The following COL12A1 variants were observed in gnomAD, a reference collection of about 807,000 sequenced individuals.
COL12A1 encodes the protein collagen alpha-1(XII) chain.
In COL12A1, 114 loss-of-function variants were observed where a neutral mutation model predicts 349.7. The observed-to-expected ratio is 0.33, with a 90% CI of 0.28 to 0.38. COL12A1 has a LOEUF of 0.38. Ranked by LOEUF, COL12A1 falls within the 10% of genes least tolerant of loss-of-function variation. COL12A1 has a pLI of 1.00. For synonymous variants in COL12A1, 1,369 were observed against 1,329.0 expected, an observed-to-expected ratio of 1.03 and a Z score of -0.66; for missense variants, 3,284 against 3,756.9, an observed-to-expected ratio of 0.87 and a Z score of 3.29.
intron 40 of COL12A1, 92 bp from the exon 41 acceptor site, chr6:75,124,463 G>C (rs1434052545): frequency 1.1e-6 from 1 of 938,228 alleles, no homozygotes; most frequent in Admixed American, 3.1e-5. Flanking sequence ...TTTCACTGTG[G>C]CTAAAAAAAA....
Position 75,085,537 on chromosome 6 carries a change from T to A in COL12A1, c.*1010A>T. ...TCCAGATAATTTGGTGATAATCAAA[T>A]AATGAAATGGCACTTTCTTAAAAAA... On this transcript the variant is annotated 3_prime_UTR_variant, in exon 66 of 66. Coordinates refer to ENST00000322507, the MANE Select transcript of COL12A1 (RefSeq NM_004370.6). 3.5e-6 allele frequency: 1 copy of A among 289,252 alleles called. No individual in the cohort carries two copies. The highest frequency in any genetic ancestry group is 7.2e-6 in the Non-Finnish European group (1 of 139,610). The allele number at this position is 289,252 out of a possible 1,614,324, so 17.9% of individuals were successfully genotyped here.
Position 75,130,952 on chromosome 6 carries a change from C to T in COL12A1, c.5967G>A (p.Val1989=), listed in dbSNP as rs375766432. The T allele has an allele frequency of 3.4e-5, 55 of 1,614,032 alleles. No homozygotes were observed. The highest frequency in any genetic ancestry group is 4.0e-5 in the Non-Finnish European group (47 of 1,180,008). The change falls in exon 36 of 66, where the codon GTG becomes GTA. Residue 1989 remains valine, a synonymous_variant. Coordinates refer to ENST00000322507, the MANE Select transcript of COL12A1 (RefSeq NM_004370.6). The part of the protein sequence containing the change: ...SIVVPGNTRM[V]HLERLIPDTL... ...TGTCCGGAATCAGCCGCTCCAGATG[C>T]ACCATGCGCGTGTTTCCTGGCACTA...
chr6:75,102,727 ATGTAATACCTTTTCAGTGC>A (rs1414323160), intron 55 of COL12A1, 35 bp from the exon 56 acceptor site: 24 of 1,362,878 alleles, frequency 1.8e-5, no homozygotes, highest in Non-Finnish European at 2.4e-5. Flanking sequence ...CCACAAAGTA[ATGTAATACCTTTTCAGTGC>A]TGACATTTAG....
intron 13 of COL12A1, 81 bp downstream of exon 13, chr6:75,174,956 AT>A: frequency 6.8e-7 from 1 of 1,465,888 alleles, no homozygotes; most frequent in Non-Finnish European, 9.3e-7. Context: ...TTCTAGATTC[AT>A]TGTCTGAAGA....
At chr6:75,147,853 C>A in intron 22 of COL12A1, 49 bp from the exon 23 acceptor site, 1 of 1,584,690 alleles carries the variant, frequency 6.3e-7, no homozygotes, top group Non-Finnish European at 8.6e-7. Flanking sequence ...AATCAGTTCC[C>A]TTTTTCCTAC....
At chr6:75,105,111 G>T (rs1021493001) in intron 54 of COL12A1, 95 bp downstream of exon 54, 1 of 994,666 alleles carries the variant, frequency 1.0e-6, no homozygotes, top group Non-Finnish European at 1.5e-6. Flanking sequence ...AAACCTGGAT[G>T]AATTGAAGTA....
At position 75,123,982 on chromosome 6, in the gene COL12A1, G is replaced by C; in HGVS notation, c.6837C>G (p.Leu2279=). Residue 2279 remains leucine, a synonymous_variant, in exon 42 of 66, where the codon CTC becomes CTG. Transcript: ENST00000322507. Reference sequence around the variant, plus strand: ...CTTTAACAGAGACTCCTGGTCCCTCGAGATTTGGTGTCTGCACAAAAACAG... The same window carrying C: ...CTTTAACAGAGACTCCTGGTCCCTCCAGATTTGGTGTCTGCACAAAAACAG... ...GVTVFVQTPN[L]EGPGVSVKEH... is the part of the protein sequence containing the mutation. The C allele has an allele frequency of 6.2e-7, 1 of 1,613,378 alleles. No homozygotes were observed. Among genetic ancestry groups the C allele is most frequent in the South Asian group, 1.1e-5 (1 of 91,030 alleles).
intron 11 of COL12A1, 79 bp downstream of exon 11, chr6:75,180,860 A>T (rs970543386): frequency 6.7e-7 from 1 of 1,500,844 alleles, no homozygotes; most frequent in South Asian, 1.3e-5. Context: ...TATAAAGCAG[A>T]TGGTTATTAC....
At chr6:75,186,128 A>T (rs1769604553) in intron 8 of COL12A1, among the ~76,000 whole-genome samples, 1 of 152,240 alleles carries the variant, frequency 6.6e-6, no homozygotes, top group Admixed American at 6.5e-5. Context: ...GGATCTAATT[A>T]AATTAAAGAG....
chr6:75,090,493 C>T lies in COL12A1; in HGVS notation c.8753-195G>A, dbSNP rs1304935085. ...GGACAAAATGGTCCCTGATAAATAA[C>T]TGTTTCCACAAAATGCTGACCTACA... On this transcript the variant is annotated intron_variant, in intron 62 of 65. Coordinates refer to ENST00000322507, the MANE Select transcript of COL12A1 (RefSeq NM_004370.6). The surrounding 1 kb of genome is among the most constrained non-coding windows in gnomAD (Gnocchi z 4.1). Among the ~76,000 whole-genome samples, 1 of 152,146 alleles carries T rather than the reference C, an allele frequency of 6.6e-6. No individual in the cohort carries two copies. The highest frequency in any genetic ancestry group is 2.4e-5 in the African/African-American group (1 of 41,432).
intron 13 of COL12A1, among the ~76,000 whole-genome samples, chr6:75,170,540 T>G (rs1466052121): frequency 6.6e-6 from 1 of 152,242 alleles, no homozygotes; most frequent in Non-Finnish European, 1.5e-5. Flanking sequence ...AACAATTAAA[T>G]TACCATTCAA....
chr6:75,175,447 G>T, intron 12 of COL12A1, 137 bp from the exon 13 acceptor site: 2 of 1,020,576 alleles, frequency 2.0e-6, no homozygotes, highest in Non-Finnish European at 2.8e-6. Flanking sequence ...TTTAACTGTT[G>T]ACCAGCCAAC....
chr6:75,102,155 A>G (rs1051929683), intron 56 of COL12A1, 103 bp from the exon 57 acceptor site: 12 of 1,156,818 alleles, frequency 1.0e-5, no homozygotes, highest in Non-Finnish European at 1.5e-5. Flanking sequence ...TCATAAATCC[A>G]GTGTAAGCGT....
intron 51 of COL12A1, among the ~76,000 whole-genome samples, chr6:75,111,203 G>GA (rs1266446224): frequency 2.0e-5 from 3 of 151,052 alleles, no homozygotes; most frequent in African/African-American, 4.9e-5. Context: ...GAATGGAGGA[G>GA]AAAAAAGAGC....
Position 75,138,850 on chromosome 6 carries a change from G to T in COL12A1, c.5069C>A (p.Ala1690Glu), listed in dbSNP as rs763883662. ...CATCTTATCTGAGCTTCCAAAAGGT[G>T]CCCAAGTTATTCTGTAGAGAGACAC... ...SDVSLYRITW[A>E]PFGSSDKMET... is the part of the protein sequence containing the mutation. The change falls in exon 28 of 66, where the codon GCA becomes GAA. Residue 1690 changes from alanine to glutamate, a missense_variant. Physicochemically the swap from Ala to Glu is moderately radical, Grantham distance 107. Coordinates refer to ENST00000322507, the MANE Select transcript of COL12A1 (RefSeq NM_004370.6). 6.2e-7 allele frequency: 1 copy of T among 1,614,058 alleles called. No individual in the cohort carries two copies. The highest frequency in any genetic ancestry group is 8.5e-7 in the Non-Finnish European group (1 of 1,179,940).
chr6:75,125,249 A>G lies in COL12A1; in HGVS notation c.6485T>C (p.Phe2162Ser). The G allele has an allele frequency of 6.2e-7, 1 of 1,609,940 alleles. No individual in the cohort carries two copies. Among genetic ancestry groups the G allele is most frequent in the Non-Finnish European group, 8.5e-7 (1 of 1,177,796 alleles). ...GGTATATGATGTCATTTCTCCAACA[A>G]AGGCTTCCATGGGCTCATTGGAACC... ...PVGSNEPMEA[F>S]VGEMTSYTLH... The change falls in exon 40 of 66, where the codon TTT becomes TCT. Residue 2162 changes from phenylalanine to serine, a missense_variant. Transcript: ENST00000322507.
At chr6:75,113,867 A>G in intron 49 of COL12A1, 123 bp from the exon 50 acceptor site, 1 of 724,558 alleles carries the variant, frequency 1.4e-6, no homozygotes, top group Non-Finnish European at 2.1e-6. Context: ...AGAATCTCAT[A>G]TGGGTAGTAT....
At position 75,143,379 on chromosome 6, in the gene COL12A1, G is replaced by A; in HGVS notation, c.4700C>T (p.Pro1567Leu). 4 of 1,613,188 alleles carry A rather than the reference G, an allele frequency of 2.5e-6. No homozygotes were observed. Among genetic ancestry groups the A allele is most frequent in the South Asian group, 1.1e-5 (1 of 90,888 alleles). The change falls in exon 26 of 66, where the codon CCC (proline) becomes CTC (leucine). Residue 1567 changes from proline to leucine, a missense_variant. Physicochemically the swap from Pro to Leu is moderately conservative, Grantham distance 98 (BLOSUM62 -3). Around this residue, in one of 2 missense-constraint regions of COL12A1, gnomAD observed 2,601 missense variants for 2,824.8 expected, o/e 0.92. Transcript: ENST00000322507. Reference sequence around the variant, plus strand: ...TCTGAGTTTCAGATCCTGAGGTCTGGGTAAAGGCACTAGAGAAGCACGAGA... The same window carrying A: ...TCTGAGTTTCAGATCCTGAGGTCTGAGTAAAGGCACTAGAGAAGCACGAGA... ...VTVREVTLPL[P>L]RPQDLKLRDV...
At chr6:75,154,325 C>T (rs1359998739) in intron 17 of COL12A1, 91 bp downstream of exon 17, 3 of 1,340,330 alleles carry the variant, frequency 2.2e-6, no homozygotes, top group Admixed American at 2.7e-5. Context: ...AAATTTGTAT[C>T]ATTGTTTTCC....
Sources: gnomAD v4.1 joint callset for allele counts (sites outside exome capture counted in the v4.1 genomes callset) on GRCh38, gnomAD v4.1.1 for gene constraint, gnomAD v4.1.1 regional missense constraint, Gnocchi (gnomAD v3.1) non-coding constraint, MANE v1.5 for transcripts, NCBI Gene and HGNC (gene_info 2026-07-23, HGNC 2026-07-21) for gene names.